Variants in ADPGK observed in about 807,000 individuals in gnomAD.
ADPGK encodes ADP-dependent glucokinase.
In ADPGK, 26 loss-of-function variants were observed where a neutral mutation model predicts 42.4. The ratio of observed to expected loss-of-function variants is 0.61; its 90% confidence interval spans 0.45 to 0.85. The LOEUF (loss-of-function observed/expected upper bound fraction) is 0.85, where lower values mean the gene tolerates loss of function less well. Among genes scored for constraint, ADPGK ranks in the 40% least tolerant of loss-of-function variants. The probability of loss-of-function intolerance (pLI) is 0.00; values close to 1 mark genes in which losing one functional copy is unlikely to be tolerated. For missense variants in ADPGK, 571 were observed against 627.0 expected, an observed-to-expected ratio of 0.91 and a Z score of 0.95; for synonymous variants, 267 against 252.6, an observed-to-expected ratio of 1.06 and a Z score of -0.54.
chr15:72,752,664 T>C lies in ADPGK; in HGVS notation c.1171A>G (p.Thr391Ala). The change falls in exon 7 of 7, where the codon ACT (threonine) becomes GCT (alanine). Residue 391 changes from threonine (T) to alanine (A), a missense_variant. By Grantham distance (58) the Thr-to-Ala change is moderately conservative. This residue lies in a region of ADPGK where 434 missense variants were observed against 522.7 expected (regional missense o/e 0.83). Coordinates refer to ENST00000456471, the MANE Select transcript of ADPGK (RefSeq NM_001365225.1). The part of the protein sequence containing the change: ...FHTLVYHILA[T>A]VDGHWANQLA... ...TGGTTGGCCCAGTGTCCATCCACAG[T>C]TGCCAGGATGTGGTAGACCAGCGTG... 4 of 1,614,190 alleles carry C rather than the reference T, an allele frequency of 2.5e-6. No individual in the cohort carries two copies. Among genetic ancestry groups the C allele is most frequent in the Non-Finnish European group, 2.5e-6 (3 of 1,180,024 alleles).
intron 2 of ADPGK, among the ~76,000 whole-genome samples, chr15:72,774,564 G>A (rs769499125): frequency 1.3e-4 from 20 of 152,168 alleles, no homozygotes; most frequent in Non-Finnish European, 2.5e-4. Context: ...TCAAAAGGAG[G>A]TTCTCAGACC....
intron 1 of ADPGK, among the ~76,000 whole-genome samples, chr15:72,779,679 A>T (rs906060016): frequency 6.6e-6 from 1 of 152,162 alleles, no homozygotes; most frequent in Non-Finnish European, 1.5e-5. Flanking sequence ...TTAATGCACT[A>T]GCATTTAAGG....
At chr15:72,757,488 T>C (rs2066132514) in intron 4 of ADPGK, 1 of 153,184 alleles carries the variant, frequency 6.5e-6, no homozygotes, top group South Asian at 2.1e-4. Flanking sequence ...ATTACAGGCG[T>C]GAGCCACCAT....
intron 3 of ADPGK, among the ~76,000 whole-genome samples, chr15:72,762,058 G>A (rs780063096): frequency 1.5e-4 from 23 of 152,108 alleles, no homozygotes; most frequent in Non-Finnish European, 2.8e-4. Flanking sequence ...TTTTAGTAGA[G>A]ACGGGGTTTC....
intron 6 of ADPGK, among the ~76,000 whole-genome samples, chr15:72,755,152 T>G (rs911270289): frequency 2.6e-5 from 4 of 152,202 alleles, no homozygotes; most frequent in Admixed American, 1.3e-4. Context: ...TTTATACTAG[T>G]CAATGCTGCT....
intron 1 of ADPGK, among the ~76,000 whole-genome samples, chr15:72,780,992 C>G (rs188468947): frequency 4.6e-5 from 7 of 152,132 alleles, no homozygotes; most frequent in Admixed American, 6.6e-5. Context: ...TCAAGATATT[C>G]CTCCTTATGA....
At chr15:72,755,529 G>T in intron 6 of ADPGK, 27 bp downstream of exon 6, 1 of 1,567,426 alleles carries the variant, frequency 6.4e-7, no homozygotes, top group Non-Finnish European at 8.8e-7. Context: ...TGAGGATCAG[G>T]GCCAAACGAT....
At chr15:72,773,505 G>T (rs2151088849) in intron 2 of ADPGK, among the ~76,000 whole-genome samples, 1 of 152,262 alleles carries the variant, frequency 6.6e-6, no homozygotes, top group South Asian at 2.1e-4. Context: ...AAACTATAAG[G>T]AAGTATGAAA....
In ADPGK at chr15:72,756,390, T is replaced by A. The variant is rs755601268; in HGVS notation, c.701A>T (p.Asp234Val). 1.2e-6 allele frequency: 2 copies of A among 1,613,636 alleles called. No homozygotes were observed. The highest frequency in any genetic ancestry group is 2.7e-5 in the African/African-American group (2 of 74,748). ...PHANRFIFSH[D>V]LSNGAMNMLE... ...CATATTCATGGCCCCGTTGGAGAGGTCGTGAGAGAAGATGAATCGGTTGGC... is the reference window on the plus strand; with the variant it reads ...CATATTCATGGCCCCGTTGGAGAGGACGTGAGAGAAGATGAATCGGTTGGC... Residue 234 changes from aspartate (D) to valine (V), a missense_variant, in exon 5 of 7, where the codon GAC becomes GTC. By Grantham distance (152) the Asp-to-Val change is radical. This residue lies in a region of ADPGK where 434 missense variants were observed against 522.7 expected (regional missense o/e 0.83). Coordinates refer to ENST00000456471, the MANE Select transcript of ADPGK (RefSeq NM_001365225.1).
intron 3 of ADPGK, among the ~76,000 whole-genome samples, chr15:72,760,775 C>T (rs889228392): frequency 2.6e-5 from 4 of 152,180 alleles, no homozygotes; most frequent in Admixed American, 2.6e-4. Flanking sequence ...AACTGTGTCA[C>T]AGCCGTCAGG....
intron 3 of ADPGK, among the ~76,000 whole-genome samples, chr15:72,763,779 C>G (rs2066224681): frequency 6.6e-6 from 1 of 152,150 alleles, no homozygotes; most frequent in Non-Finnish European, 1.5e-5. Context: ...CCTGTGGTCC[C>G]CTATGGGCAC....
At chr15:72,779,352 G>A (rs1320558329) in intron 1 of ADPGK, among the ~76,000 whole-genome samples, 1 of 149,494 alleles carries the variant, frequency 6.7e-6, no homozygotes, top group East Asian at 2.0e-4. Context: ...GGGTTGAAGC[G>A]ATTCTCCTGC....
At chr15:72,782,527 CAAAAAAAAA>C (rs5813692) in intron 1 of ADPGK, among the ~76,000 whole-genome samples, 1 of 61,276 alleles carries the variant, frequency 1.6e-5, no homozygotes, top group African/African-American at 6.9e-5. Flanking sequence ...ACCCTGTGTC[CAAAAAAAAA>C]AAAAAAAAAA....
intron 6 of ADPGK, among the ~76,000 whole-genome samples, chr15:72,753,869 T>G (rs2066077800): frequency 6.6e-6 from 1 of 152,054 alleles, no homozygotes; most frequent in African/African-American, 2.4e-5. Flanking sequence ...ACAAAAGCTA[T>G]ACTGAAAAAC....
intron 4 of ADPGK, chr15:72,756,798 G>A (rs1800417111): frequency 6.8e-6 from 2 of 292,484 alleles, no homozygotes; most frequent in African/African-American, 4.3e-5. Context: ...ACAGTGTGCA[G>A]CACGCACGCC....
chr15:72,770,926 T>A (rs558776481), intron 3 of ADPGK, among the ~76,000 whole-genome samples: 1 of 152,304 alleles, frequency 6.6e-6, no homozygotes, highest in East Asian at 1.9e-4. Flanking sequence ...CCCCCAAAAC[T>A]AGAAGACTGT....
chr15:72,755,811 TG>T (rs1179085601), intron 5 of ADPGK, 157 bp from the exon 6 acceptor site: 4 of 652,170 alleles, frequency 6.1e-6, no homozygotes, highest in Non-Finnish European at 1.1e-5. Flanking sequence ...ACCACCTCTG[TG>T]GACAAGGGAC....
chr15:72,781,869 C>T (rs545877351), intron 1 of ADPGK, among the ~76,000 whole-genome samples: 5 of 152,180 alleles, frequency 3.3e-5, no homozygotes, highest in Non-Finnish European at 5.9e-5. Flanking sequence ...TAAGGTCATA[C>T]GGGTGAGCCC....
chr15:72,772,359 T>A (rs1193079271), intron 2 of ADPGK, among the ~76,000 whole-genome samples: 1 of 152,214 alleles, frequency 6.6e-6, no homozygotes, highest in Non-Finnish European at 1.5e-5. Context: ...AGCCTTCCCC[T>A]GTCTCTGTGC....
Sources: gnomAD v4.1 joint callset for allele counts (sites outside exome capture counted in the v4.1 genomes callset) on GRCh38, gnomAD v4.1.1 for gene constraint, gnomAD v4.1.1 regional missense constraint, MANE v1.5 for transcripts, NCBI Gene and HGNC (gene_info 2026-07-23, HGNC 2026-07-21) for gene names.